KIAA1755: variants seen among roughly 807,000 people sequenced by gnomAD.
The protein encoded by KIAA1755 is KIAA1755, also known as uncharacterized protein KIAA1755.
A neutral mutation model predicts 91.7 loss-of-function variants in KIAA1755; 68 were observed. The observed-to-expected ratio is 0.74, with a 90% CI of 0.61 to 0.91. The LOEUF is 0.91. Among genes scored for constraint, KIAA1755 ranks in the 40% least tolerant of loss-of-function variants. KIAA1755 has a pLI of 0.00. For missense variants in KIAA1755, 1,535 were observed against 1,494.4 expected, an observed-to-expected ratio of 1.03 and a Z score of -0.45; for synonymous variants, 610 against 604.6, an observed-to-expected ratio of 1.01 and a Z score of -0.13.
At chr20:38,256,029 T>A (rs1019613230) in intron 1 of KIAA1755, among the ~76,000 whole-genome samples, 5 of 152,224 alleles carry the variant, frequency 3.3e-5, no homozygotes, top group African/African-American at 1.2e-4. Context: ...TTTATCTCAA[T>A]AATTCTATGG....
chr20:38,243,152 C>T (rs1321260978), intron 2 of KIAA1755, among the ~76,000 whole-genome samples: 1 of 152,142 alleles, frequency 6.6e-6, no homozygotes, highest in Non-Finnish European at 1.5e-5. Flanking sequence ...TTGAGTAAGT[C>T]CCAGACAATC....
Position 38,225,686 on chromosome 20 carries a change from G to A in KIAA1755, c.2148C>T (p.Thr716=), listed in dbSNP as rs780782709. The A allele has an allele frequency of 1.6e-5, 26 of 1,612,282 alleles. No homozygotes were observed. Among genetic ancestry groups the A allele is most frequent in the South Asian group, 1.3e-4 (12 of 91,020 alleles). Residue 716 remains threonine, a synonymous_variant, in exon 8 of 14, where the codon ACC becomes ACT. Coordinates refer to ENST00000279024, the MANE Select transcript of KIAA1755 (RefSeq NM_001029864.2). The part of the protein sequence containing the change: ...VLEGPFPYCH[T]EWVHFFQKLD... Reference sequence around the variant, plus strand: ...ACACCTGGAAGAAATGAACCCACTCGGTGTGGCAGTAGGGGAAGGGGCCTT... The same window carrying A: ...ACACCTGGAAGAAATGAACCCACTCAGTGTGGCAGTAGGGGAAGGGGCCTT...
intron 6 of KIAA1755, 75 bp downstream of exon 6, chr20:38,228,072 G>A (rs1476344647): frequency 9.0e-6 from 10 of 1,109,782 alleles, no homozygotes; most frequent in Middle Eastern, 2.5e-4. Context: ...AAGCACCCCC[G>A]GACTCTATGA....
intron 1 of KIAA1755, among the ~76,000 whole-genome samples, chr20:38,252,562 T>C (rs2076269600): frequency 6.6e-6 from 1 of 152,136 alleles, no homozygotes; most frequent in South Asian, 2.1e-4. Context: ...TGCCCAGATC[T>C]TCCCCTGTTT....
chr20:38,213,679 C>G lies in KIAA1755; in HGVS notation c.2966G>C (p.Arg989Thr). The change falls in exon 14 of 14, where the codon AGG (arginine) becomes ACG (threonine). Residue 989 changes from arginine (R) to threonine (T), a missense_variant. By Grantham distance (71) the Arg-to-Thr change is moderately conservative. Transcript: ENST00000279024. Reference protein sequence around the residue: ...MAQLRLDKTSRVSPGDQRRLH... With the variant: ...MAQLRLDKTSTVSPGDQRRLH... The stretch of plus-strand genomic sequence containing the variant: ...GCGGCGCTGGTCCCCAGGACTGACC[C>G]TTGAGGTCTTGTCCAGCCTGAGCTG... The G allele has an allele frequency of 6.3e-7, 1 of 1,575,388 alleles. No homozygotes were observed. Among genetic ancestry groups the G allele is most frequent in the South Asian group, 1.2e-5 (1 of 85,772 alleles).
intron 1 of KIAA1755, among the ~76,000 whole-genome samples, chr20:38,257,435 G>A (rs533279337): frequency 6.6e-6 from 1 of 152,146 alleles, no homozygotes; most frequent in East Asian, 1.9e-4. Context: ...GCAAAAATTA[G>A]CTGGGCCTAG....
At chr20:38,229,729 C>A (rs921112477) in intron 5 of KIAA1755, among the ~76,000 whole-genome samples, 1 of 152,176 alleles carries the variant, frequency 6.6e-6, no homozygotes, top group Non-Finnish European at 1.5e-5. Flanking sequence ...CCACTTGTGC[C>A]CAGCTTGGTC....
intron 13 of KIAA1755, 82 bp downstream of exon 13, chr20:38,217,171 C>T (rs929615542): frequency 4.0e-6 from 5 of 1,236,918 alleles, no homozygotes; most frequent in Non-Finnish European, 4.5e-6. Context: ...GGCCATGGGG[C>T]TGTGTCTAGG....
chr20:38,212,931 A>T lies in KIAA1755; in HGVS notation c.*111T>A. 1 of 796,656 alleles carries T rather than the reference A, an allele frequency of 1.3e-6. No individual in the cohort carries two copies. The highest frequency in any genetic ancestry group is 2.1e-5 in the South Asian group (1 of 46,656). The allele number at this position is 796,656 out of a possible 1,614,324, so 49.3% of individuals were successfully genotyped here. The stretch of plus-strand genomic sequence containing the variant: ...CCCAGCAGAGGCAGAATGTAAAACC[A>T]GTGCTCCATGGTGACGTCTCACTGG... On this transcript the variant is annotated 3_prime_UTR_variant, in exon 14 of 14. Transcript: ENST00000279024.
intron 4 of KIAA1755, among the ~76,000 whole-genome samples, chr20:38,236,435 A>G (rs183833697): frequency 6.6e-6 from 1 of 152,266 alleles, no homozygotes; most frequent in East Asian, 1.9e-4. Flanking sequence ...TCGCCTAGGA[A>G]GTGAGTGTGG....
chr20:38,226,828 T>G (rs992031356), intron 7 of KIAA1755, among the ~76,000 whole-genome samples: 1 of 152,102 alleles, frequency 6.6e-6, no homozygotes, highest in African/African-American at 2.4e-5. Context: ...AGTTTCCCCC[T>G]CTGAAAACAA....
chr20:38,231,942 T>A (rs2075872080), intron 4 of KIAA1755, among the ~76,000 whole-genome samples: 1 of 152,192 alleles, frequency 6.6e-6, no homozygotes, highest in Non-Finnish European at 1.5e-5. Context: ...ACAGGCTATT[T>A]CCTGTTCCAG....
chr20:38,257,773 A>G (rs1442199880), intron 1 of KIAA1755, among the ~76,000 whole-genome samples: 1 of 152,130 alleles, frequency 6.6e-6, no homozygotes, highest in Non-Finnish European at 1.5e-5. Flanking sequence ...CCTCTCAGGC[A>G]CTTACTCATC....
At chr20:38,233,137 T>TA (rs1568752340) in intron 4 of KIAA1755, 2 of 152,130 alleles carry the variant, frequency 1.3e-5, no homozygotes, top group African/African-American at 2.4e-5. Context: ...AATTTTTTTT[T>TA]ATCTGTTAAG....
intron 8 of KIAA1755, among the ~76,000 whole-genome samples, chr20:38,224,303 T>C (rs1275458910): frequency 6.6e-6 from 1 of 152,112 alleles, no homozygotes; most frequent in East Asian, 1.9e-4. Context: ...AAAGCTAAAA[T>C]ACAGTTCAAA....
At chr20:38,257,399 G>C (rs141218112) in intron 1 of KIAA1755, among the ~76,000 whole-genome samples, 7 of 152,128 alleles carry the variant, frequency 4.6e-5, no homozygotes, top group African/African-American at 1.7e-4. Flanking sequence ...TGGCCAACAT[G>C]GTAAAACCCC....
At chr20:38,214,327 A>G (rs1404350081) in intron 13 of KIAA1755, among the ~76,000 whole-genome samples, 5 of 152,178 alleles carry the variant, frequency 3.3e-5, no homozygotes, top group Non-Finnish European at 5.9e-5. Flanking sequence ...TCTTCTGTAA[A>G]ATGGAAGTTG....
rs1287105159 is a variant in KIAA1755 at position 38,213,325 on chromosome 20, T to C, written c.3320A>G (p.Tyr1107Cys). 5 of 1,612,986 alleles carry C rather than the reference T, an allele frequency of 3.1e-6. No homozygotes were observed. Among genetic ancestry groups the C allele is most frequent in the South Asian group, 1.1e-5 (1 of 90,848 alleles). Residue 1107 changes from tyrosine (Y) to cysteine (C), a missense_variant, in exon 14 of 14, where the codon TAT becomes TGT. Physicochemically the swap from Tyr to Cys is radical, Grantham distance 194 (BLOSUM62 -2). Coordinates refer to ENST00000279024, the MANE Select transcript of KIAA1755 (RefSeq NM_001029864.2). Reference sequence around the variant, plus strand: ...CCCTCTGGGGGGCCCAGGAGGCCAATAGGACTTTGGCAAATGGTCCATGCC... The same window carrying C: ...CCCTCTGGGGGGCCCAGGAGGCCAACAGGACTTTGGCAAATGGTCCATGCC... ...SLGMDHLPKS[Y>C]WPPGPPRGEQ... is the part of the protein sequence containing the mutation.
At chr20:38,228,643 C>G (rs776760714) in intron 5 of KIAA1755, among the ~76,000 whole-genome samples, 115 of 152,250 alleles carry the variant, frequency 7.6e-4, no homozygotes, top group African/African-American at 2.0e-3. Context: ...TTGAGGCCAA[C>G]AGTAGTGACG....
Sources: gnomAD v4.1 joint callset for allele counts (sites outside exome capture counted in the v4.1 genomes callset) on GRCh38, gnomAD v4.1.1 for gene constraint, MANE v1.5 for transcripts, NCBI Gene and HGNC (gene_info 2026-07-23, HGNC 2026-07-21) for gene names.